Variants in ABL2 observed in about 807,000 individuals in gnomAD.
ABL2 encodes ABL proto-oncogene 2, non-receptor tyrosine kinase.
In ABL2, 49 loss-of-function variants were observed where a neutral mutation model predicts 107.7. That is an observed-to-expected ratio of 0.45 (90% confidence interval 0.36 to 0.58). ABL2 has a LOEUF of 0.58. Ranked by LOEUF, ABL2 falls within the 20% of genes least tolerant of loss-of-function variation. The probability of loss-of-function intolerance (pLI) is 0.00; values close to 1 mark genes in which losing one functional copy is unlikely to be tolerated. For synonymous variants in ABL2, 549 were observed against 548.6 expected, an observed-to-expected ratio of 1.00 and a Z score of -0.01; for missense variants, 1,245 against 1,457.0, an observed-to-expected ratio of 0.85 and a Z score of 2.37.
intron 10 of ABL2, among the ~76,000 whole-genome samples, chr1:179,111,449 C>T (rs1654073588): frequency 6.6e-6 from 1 of 151,978 alleles, no homozygotes; most frequent in Admixed American, 6.6e-5. Context: ...TCACGCCTGG[C>T]TAGTTTTTGT....
At chr1:179,214,820 T>C (rs1220618889) in intron 1 of ABL2, among the ~76,000 whole-genome samples, 1 of 152,050 alleles carries the variant, frequency 6.6e-6, no homozygotes, top group Non-Finnish European at 1.5e-5. Flanking sequence ...ATGAGAAATC[T>C]ACAAATACTG....
chr1:179,135,173 A>G (rs1225698040), intron 1 of ABL2, among the ~76,000 whole-genome samples: 5 of 149,324 alleles, frequency 3.3e-5, no homozygotes, highest in South Asian at 4.3e-4. Context: ...AGTGAGGAGC[A>G]TCTCCGCCTG....
At chr1:179,165,255 T>C (rs898092148) in intron 1 of ABL2, among the ~76,000 whole-genome samples, 4 of 152,210 alleles carry the variant, frequency 2.6e-5, no homozygotes, top group African/African-American at 9.6e-5. Flanking sequence ...GAACCAGGTA[T>C]ATACCAATAA....
chr1:179,121,371 C>T (rs1164197535), intron 5 of ABL2, among the ~76,000 whole-genome samples: 1 of 152,156 alleles, frequency 6.6e-6, no homozygotes, highest in Non-Finnish European at 1.5e-5. Context: ...TCAACAGCCT[C>T]CAGAGACAGA....
intron 1 of ABL2, among the ~76,000 whole-genome samples, chr1:179,187,052 C>T (rs1272070541): frequency 6.6e-6 from 1 of 152,110 alleles, no homozygotes; most frequent in African/African-American, 2.4e-5. Context: ...TTATAGTGTA[C>T]TTTTCAGTGT....
At chr1:179,137,215 C>G (rs1283009449) in intron 1 of ABL2, among the ~76,000 whole-genome samples, 1 of 152,198 alleles carries the variant, frequency 6.6e-6, no homozygotes, top group South Asian at 2.1e-4. Flanking sequence ...ACCAAATCAA[C>G]AAAAATCCAT....
Position 179,229,275 on chromosome 1 carries a change from G to T in ABL2, c.123C>A (p.Thr41=). Residue 41 remains threonine, a synonymous_variant, in exon 1 of 12, where the codon ACC becomes ACA. Transcript: ENST00000502732. ...TGAAGATATTGAAGCCGGTCTCTGT[G>T]GTGCGCCCCGCCGGGTCCCGCCTGC... is the stretch of plus-strand genomic sequence containing the variant. ...SGRRRDPAGR[T]TETGFNIFTQ... 1 of 1,564,432 alleles carries T rather than the reference G, an allele frequency of 6.4e-7. No individual in the cohort carries two copies. The highest frequency in any genetic ancestry group is 1.2e-5 in the South Asian group (1 of 86,118).
chr1:179,109,845 G>A (rs1327694022), intron 11 of ABL2, among the ~76,000 whole-genome samples: 2 of 151,560 alleles, frequency 1.3e-5, no homozygotes, highest in South Asian at 2.1e-4. Flanking sequence ...GGAGAATGGC[G>A]TGAACCCAGA....
chr1:179,201,120 C>T (rs1661643724), intron 1 of ABL2, among the ~76,000 whole-genome samples: 1 of 152,166 alleles, frequency 6.6e-6, no homozygotes, highest in African/African-American at 2.4e-5. Flanking sequence ...AATCTAAGTT[C>T]CTAGATGCCA....
intron 1 of ABL2, among the ~76,000 whole-genome samples, chr1:179,219,856 C>T (rs1464723096): frequency 1.3e-5 from 2 of 152,212 alleles, no homozygotes; most frequent in Non-Finnish European, 2.9e-5. Context: ...AATAGCAGTG[C>T]TTAGGTTTAC....
At chr1:179,223,055 A>T (rs1379861381) in intron 1 of ABL2, among the ~76,000 whole-genome samples, 1 of 146,876 alleles carries the variant, frequency 6.8e-6, no homozygotes, top group Admixed American at 7.0e-5. Context: ...GGTTGCAGTG[A>T]GCCAAGATCG....
intron 1 of ABL2, among the ~76,000 whole-genome samples, chr1:179,153,200 A>T (rs543206884): frequency 6.6e-6 from 1 of 152,300 alleles, no homozygotes; most frequent in African/African-American, 2.4e-5. Flanking sequence ...GGATAACAGA[A>T]ATTTCTAACC....
rs1350778856 is a variant in ABL2, at chr1:179,107,297, C to T, written c.*421G>A. The T allele has an allele frequency of 1.3e-5, 3 of 236,486 alleles. No individual in the cohort carries two copies. Among genetic ancestry groups the T allele is most frequent in the African/African-American group, 4.4e-5 (2 of 45,308 alleles). 14.6% of individuals were successfully genotyped at this position (236,486 alleles called of 1,614,324 possible). A position where few individuals can be genotyped will look rare whatever the true frequency, so the allele number is the denominator to read the frequency against. ...CCCAGCTTTCTTTTCTGCTGTCCCA[C>T]CAAATTCATTAGGTAAATTGGAGCA... On this transcript the variant is annotated 3_prime_UTR_variant, in exon 12 of 12. Coordinates refer to ENST00000502732, the MANE Select transcript of ABL2 (RefSeq NM_007314.4).
At chr1:179,212,148 A>G (rs1264150295) in intron 1 of ABL2, among the ~76,000 whole-genome samples, 1 of 152,212 alleles carries the variant, frequency 6.6e-6, no homozygotes, top group Non-Finnish European at 1.5e-5. Context: ...AAACTATCAG[A>G]CATGGTGAGA....
At chr1:179,201,807 C>A in intron 1 of ABL2, 1 of 1,047,318 alleles carries the variant, frequency 9.5e-7, no homozygotes, top group African/African-American at 1.6e-5. Flanking sequence ...ACAGTTTGGC[C>A]ATAAAGGTGT....
At chr1:179,218,222 C>T (rs1211668157) in intron 1 of ABL2, among the ~76,000 whole-genome samples, 1 of 152,096 alleles carries the variant, frequency 6.6e-6, no homozygotes, top group Non-Finnish European at 1.5e-5. Context: ...TCTCAAGAGA[C>T]CTCTAATGTA....
chr1:179,200,572 T>C (rs768064813), intron 1 of ABL2, among the ~76,000 whole-genome samples: 1 of 152,146 alleles, frequency 6.6e-6, no homozygotes, highest in Non-Finnish European at 1.5e-5. Flanking sequence ...CCCACCCCAT[T>C]TGGGCACAAC....
chr1:179,180,400 T>C (rs1323617754), intron 1 of ABL2, among the ~76,000 whole-genome samples: 1 of 152,174 alleles, frequency 6.6e-6, no homozygotes, highest in East Asian at 1.9e-4. Flanking sequence ...ACGTTCCCTC[T>C]GAGGAGCTGC....
chr1:179,117,250 T>A (rs778006259), intron 8 of ABL2, 82 bp downstream of exon 8: 7 of 1,384,486 alleles, frequency 5.1e-6, no homozygotes. Flanking sequence ...ATACTGAACA[T>A]CGTAAGAGAA....
Sources: allele counts gnomAD v4.1 joint callset (sites outside exome capture counted in the v4.1 genomes callset), GRCh38; gene constraint gnomAD v4.1.1; transcripts MANE v1.5; gene names NCBI Gene and HGNC (gene_info 2026-07-23, HGNC 2026-07-21).